Variants in MAK observed in about 807,000 individuals in gnomAD.
MAK encodes serine/threonine-protein kinase MAK.
Under a neutral mutation model 82.6 loss-of-function variants are expected in MAK, and 65 were observed. That is an observed-to-expected ratio of 0.79 (90% CI 0.64 to 0.97). The LOEUF is 0.97. Among genes scored for constraint, MAK ranks in the 50% least tolerant of loss-of-function variants. The pLI is 0.00. For synonymous variants in MAK, 250 were observed against 274.2 expected (o/e 0.91, Z 0.87); for missense variants, 703 against 780.2 (o/e 0.90, Z 1.18).
intron 9 of MAK, 97 bp from the exon 10 acceptor site, chr6:10,791,944 C>T: frequency 7.6e-7 from 1 of 1,319,736 alleles, no homozygotes; most frequent in Non-Finnish European, 1.1e-6. Flanking sequence ...AGTCCCCATT[C>T]TCAAGGAGCG....
intron 10 of MAK, among the ~76,000 whole-genome samples, chr6:10,785,582 G>A (rs549756345): frequency 3.9e-5 from 6 of 152,200 alleles, no homozygotes; most frequent in African/African-American, 9.6e-5. Flanking sequence ...GCACAGGTGC[G>A]TCTGCTTCAA....
intron 10 of MAK, among the ~76,000 whole-genome samples, chr6:10,785,847 G>A (rs1774488949): frequency 6.6e-6 from 1 of 152,228 alleles, no homozygotes; most frequent in Non-Finnish European, 1.5e-5. Context: ...TATTTGATGA[G>A]TTGAAGAGAG....
intron 4 of MAK, among the ~76,000 whole-genome samples, chr6:10,814,808 G>A (rs1777333943): frequency 6.6e-6 from 1 of 152,208 alleles, no homozygotes; most frequent in Admixed American, 6.5e-5. Context: ...CACTTTGGGA[G>A]GCCAAGGTGG....
At chr6:10,787,671 A>G (rs375575468) in intron 10 of MAK, among the ~76,000 whole-genome samples, 15 of 152,174 alleles carry the variant, frequency 9.9e-5, no homozygotes, top group East Asian at 5.8e-4. Flanking sequence ...ATCCTGGCTA[A>G]CATGGTGAAA....
intron 2 of MAK, among the ~76,000 whole-genome samples, chr6:10,819,894 T>C (rs1014097714): frequency 2.0e-5 from 3 of 151,874 alleles, no homozygotes; most frequent in East Asian, 2.0e-4. Context: ...GGGTGGATCA[T>C]GAGGTCAGGA....
At chr6:10,773,915 G>A (rs1467813115) in intron 12 of MAK, among the ~76,000 whole-genome samples, 1 of 151,808 alleles carries the variant, frequency 6.6e-6, no homozygotes, top group Non-Finnish European at 1.5e-5. Flanking sequence ...TGGTCAGGCG[G>A]GTCTCGAACT....
At chr6:10,814,158 A>G (rs1029907362) in intron 4 of MAK, among the ~76,000 whole-genome samples, 13 of 151,784 alleles carry the variant, frequency 8.6e-5, no homozygotes, top group African/African-American at 3.1e-4. Flanking sequence ...TAGTAGAGAC[A>G]GGGTTTCGCC....
chr6:10,810,567 C>T (rs1776853633), intron 5 of MAK, among the ~76,000 whole-genome samples: 1 of 152,072 alleles, frequency 6.6e-6, no homozygotes. Flanking sequence ...TCTCAAACTT[C>T]TGACCTTGTG....
At chr6:10,810,843 T>C (rs1776873944) in intron 5 of MAK, among the ~76,000 whole-genome samples, 1 of 152,198 alleles carries the variant, frequency 6.6e-6, no homozygotes, top group Non-Finnish European at 1.5e-5. Context: ...GACCATGTGA[T>C]GCACAGCAGA....
chr6:10,830,543 A>C lies in MAK; in HGVS notation c.101+5T>G. 1 of 1,611,158 alleles carries C rather than the reference A, an allele frequency of 6.2e-7. No homozygotes were observed. Among genetic ancestry groups the C allele is most frequent in the South Asian group, 1.1e-5 (1 of 91,022 alleles). ...AGGTGAAGTTGGCAGTGTCACACAC[A>C]GTACCTTTTGATGGCCACCAGCTCC... is the stretch of plus-strand genomic sequence containing the variant. On this transcript the variant is annotated splice_donor_5th_base_variant and intron_variant, in intron 2 of 14. Transcript: ENST00000354489.
At chr6:10,803,325 G>A (rs1389157056) in intron 7 of MAK, among the ~76,000 whole-genome samples, 3 of 151,846 alleles carry the variant, frequency 2.0e-5, no homozygotes, top group Admixed American at 6.6e-5. Flanking sequence ...ATCGCAGATC[G>A]CTTGAGCTCA....
At chr6:10,775,552 C>T in intron 11 of MAK, 93 bp from the exon 12 acceptor site, 5 of 1,346,838 alleles carry the variant, frequency 3.7e-6, no homozygotes, top group Non-Finnish European at 5.3e-6. Flanking sequence ...ACTAGAGACA[C>T]CTTGGACAGG....
rs1773436037 is a variant in MAK, at chr6:10,776,047, C to T, written c.1466-588G>A. Reference sequence around the variant, plus strand: ...AAGTGATCCGTTCACCTTGGCCTCCCAAAGTGCTGAGATTACAGGTGTAAG... The same window carrying T: ...AAGTGATCCGTTCACCTTGGCCTCCTAAAGTGCTGAGATTACAGGTGTAAG... On this transcript the variant is annotated intron_variant, in intron 11 of 14. Coordinates refer to ENST00000354489, the MANE Select transcript of MAK (RefSeq NM_001242957.3). This position sits in a 1 kb window ranked among gnomAD's most constrained non-coding sequence, Gnocchi z 4.3. Among the ~76,000 whole-genome samples, 1 of 152,192 alleles carries T rather than the reference C, an allele frequency of 6.6e-6. No homozygotes were observed. The highest frequency in any genetic ancestry group is 1.5e-5 in the Non-Finnish European group (1 of 68,040).
At chr6:10,805,780 A>C (rs1776394848) in intron 6 of MAK, among the ~76,000 whole-genome samples, 2 of 152,236 alleles carry the variant, frequency 1.3e-5, no homozygotes, top group South Asian at 4.1e-4. Flanking sequence ...TATATAATTC[A>C]CATAATATAC....
intron 14 of MAK, among the ~76,000 whole-genome samples, chr6:10,767,438 G>A (rs1282508292): frequency 6.6e-6 from 1 of 152,172 alleles, no homozygotes; most frequent in Non-Finnish European, 1.5e-5. Flanking sequence ...TTAGTTTCAA[G>A]GCAGGGGATA....
At chr6:10,812,161 C>G (rs937348384) in intron 5 of MAK, among the ~76,000 whole-genome samples, 5 of 152,134 alleles carry the variant, frequency 3.3e-5, no homozygotes, top group Non-Finnish European at 5.9e-5. Context: ...GATGGCACCA[C>G]TGCACTCCAG....
chr6:10,789,538 C>A (rs142531615), intron 10 of MAK, among the ~76,000 whole-genome samples: 40 of 152,220 alleles, frequency 2.6e-4, no homozygotes, highest in African/African-American at 7.2e-4. Flanking sequence ...TGCATAGATA[C>A]CTATGAGGAA....
Position 10,830,592 on chromosome 6 carries a change from A to G in MAK, c.57T>C (p.Leu19=), listed in dbSNP as rs777830548. Reference sequence around the variant, plus strand: ...CCCCGGATTCATTACTCTTGCCCATAAGCACACTCCCATACGTGCCGTCCC... The same window carrying G: ...CCCCGGATTCATTACTCTTGCCCATGAGCACACTCCCATACGTGCCGTCCC... ...QLGDGTYGSV[L]MGKSNESGEL... Residue 19 remains leucine, a synonymous_variant, in exon 2 of 15, where the codon CTT becomes CTC. Coordinates refer to ENST00000354489, the MANE Select transcript of MAK (RefSeq NM_001242957.3). 1.9e-6 allele frequency: 3 copies of G among 1,614,108 alleles called. No individual in the cohort carries two copies. The South Asian group carries it at 3.3e-5, about 18-fold the overall frequency.
intron 9 of MAK, among the ~76,000 whole-genome samples, chr6:10,794,538 A>G (rs889673492): frequency 2.6e-5 from 4 of 152,220 alleles, no homozygotes; most frequent in African/African-American, 4.8e-5. Context: ...GGAAATAGAT[A>G]CAGTGCTGTA....
Sources: allele counts gnomAD v4.1 joint callset (sites outside exome capture counted in the v4.1 genomes callset), GRCh38; gene constraint gnomAD v4.1.1; non-coding constraint Gnocchi (gnomAD v3.1); transcripts MANE v1.5; gene names NCBI Gene and HGNC (gene_info 2026-07-23, HGNC 2026-07-21).